BUB1: variants seen among roughly 807,000 people sequenced by gnomAD.
BUB1 encodes the protein BUB1 mitotic checkpoint serine/threonine kinase.
Under a neutral mutation model 135.2 loss-of-function variants are expected in BUB1, and 84 were observed. The ratio of observed to expected loss-of-function variants is 0.62; its 90% CI spans 0.52 to 0.74. The LOEUF is 0.74. BUB1 is among the 30% of genes least tolerant of loss of function. The pLI is 0.00. For synonymous variants in BUB1, 403 were observed against 434.4 expected (o/e 0.93, Z 0.90); for missense variants, 1,162 against 1,288.3 (o/e 0.90, Z 1.50).
At position 110,639,822 on chromosome 2, in the gene BUB1, T is replaced by C. The variant is rs149445802; in HGVS notation, c.2982A>G (p.Thr994=). The part of the protein sequence containing the change: ...YQIDYFGVAA[T]VYCMLFGTYM... The stretch of plus-strand genomic sequence containing the variant: ...AAGTGCCAAAGAGCATGCAATATAC[T>C]GTTGCAGCAACCCCAAAGTAATCGA... The change falls in exon 24 of 25, where the codon ACA becomes ACG. Residue 994 remains threonine, a synonymous_variant. Transcript: ENST00000302759. The C allele has an allele frequency of 1.0e-3, 1,692 of 1,613,954 alleles. 2 individuals carry two copies. Among genetic ancestry groups the C allele is most frequent in the Non-Finnish European group, 1.3e-3 (1,554 of 1,179,938 alleles).
At chr2:110,677,418 C>T (rs1487234244) in intron 1 of BUB1, among the ~76,000 whole-genome samples, 2 of 152,122 alleles carry the variant, frequency 1.3e-5, no homozygotes, top group African/African-American at 4.8e-5. Flanking sequence ...GGCGTGGGAA[C>T]TTTAAGTAAA....
intron 21 of BUB1, 53 bp downstream of exon 21, chr2:110,641,589 A>G: frequency 1.9e-6 from 3 of 1,588,352 alleles, no homozygotes; most frequent in Non-Finnish European, 2.6e-6. Context: ...TGCAAGGTAC[A>G]AGCCAAAAAT....
At position 110,661,783 on chromosome 2, in the gene BUB1, C is replaced by T; in HGVS notation, c.1016G>A (p.Cys339Tyr). 1 of 1,614,214 alleles carries T rather than the reference C, an allele frequency of 6.2e-7. No homozygotes were observed. The highest frequency in any genetic ancestry group is 8.5e-7 in the Non-Finnish European group (1 of 1,180,034). The part of the protein sequence containing the change: ...VGSQQELRAP[C>Y]LPVTYQQTPV... ...TGTCTGCTGATAGGTTACTGGAAGA[C>T]ATGGCGCTCTCAGTTCCTGCTGGGA... Residue 339 changes from cysteine (C) to tyrosine (Y), a missense_variant, in exon 10 of 25, where the codon TGT becomes TAT. Transcript: ENST00000302759.
In BUB1 at chr2:110,672,835, TGGA is replaced by T. The variant is rs774364176; in HGVS notation, c.245_247del (p.Leu82del). ...GTTGTACAGAAACTCAAAAAATTGA[TGGA>T]GGTCACTGTTGTACTCAGCCTACAC... On this transcript the variant is annotated inframe_deletion, in exon 4 of 25. Transcript: ENST00000302759. 4 of 1,608,500 alleles carry T rather than the reference TGGA, an allele frequency of 2.5e-6. No individual in the cohort carries two copies. In the South Asian group the frequency reaches 4.4e-5, roughly 18 times the overall value.
At chr2:110,664,426 AGT>A (rs964992283) in intron 9 of BUB1, among the ~76,000 whole-genome samples, 7 of 152,204 alleles carry the variant, frequency 4.6e-5, no homozygotes, top group African/African-American at 1.7e-4. Flanking sequence ...ACAATGAAGG[AGT>A]GTCTTTAAAA....
chr2:110,646,472 T>C (rs1449149446), intron 19 of BUB1, among the ~76,000 whole-genome samples: 1 of 152,186 alleles, frequency 6.6e-6, no homozygotes, highest in Non-Finnish European at 1.5e-5. Flanking sequence ...TTGGATCTAA[T>C]TGACATTTAT....
Position 110,655,917 on chromosome 2 carries a change from C to G in BUB1, c.1699-1G>C, listed in dbSNP as rs1689921550. 1 of 1,611,130 alleles carries G rather than the reference C, an allele frequency of 6.2e-7. No individual in the cohort carries two copies. Among genetic ancestry groups the G allele is most frequent in the Non-Finnish European group, 8.5e-7 (1 of 1,178,256 alleles). On this transcript the variant is annotated splice_acceptor_variant, in intron 15 of 24. Coordinates refer to ENST00000302759, the MANE Select transcript of BUB1 (RefSeq NM_004336.5). LOFTEE classifies it high-confidence loss of function. ...ACTCTTCAGCATGAGGCACTTCCTC[C>G]TATAACAGAAGATGAAATGAAAAAA...
chr2:110,672,549 T>C (rs1253918919), intron 4 of BUB1, 112 bp downstream of exon 4: 4 of 1,171,016 alleles, frequency 3.4e-6, no homozygotes, highest in Non-Finnish European at 4.7e-6. Context: ...TTATCCACAT[T>C]GTCCAAAACT....
At position 110,652,694 on chromosome 2, in the gene BUB1, C is replaced by A. The variant is rs1689817726; in HGVS notation, c.1964+742G>T. Among the ~76,000 whole-genome samples the A allele has an allele frequency of 7.9e-5, 12 of 152,236 alleles. No individual in the cohort carries two copies. In the South Asian group the frequency reaches 2.3e-3, roughly 29 times the overall value. ...GACTGCACATATATCTCCACATACA[C>A]CCCCAATCAATATCTACCTAAACAT... is the stretch of plus-strand genomic sequence containing the variant. On this transcript the variant is annotated intron_variant, in intron 17 of 24. Transcript: ENST00000302759.
At chr2:110,673,098 T>C (rs1028983392) in intron 3 of BUB1, among the ~76,000 whole-genome samples, 14 of 152,222 alleles carry the variant, frequency 9.2e-5, no homozygotes, top group African/African-American at 3.4e-4. Flanking sequence ...CAATCATGTC[T>C]GTGTAAGGCA....
intron 23 of BUB1, 73 bp from the exon 24 acceptor site, chr2:110,639,921 C>T: frequency 1.6e-6 from 2 of 1,238,294 alleles, no homozygotes; most frequent in Non-Finnish European, 2.4e-6. Context: ...GCCTGTCTAA[C>T]TTAGGCAGCA....
chr2:110,646,167 C>T (rs994644438), intron 19 of BUB1, among the ~76,000 whole-genome samples: 2 of 54,738 alleles, frequency 3.7e-5, no homozygotes, highest in African/African-American at 1.2e-4. Context: ...TATCTCTACC[C>T]AAAAAAAAAA....
In BUB1 at chr2:110,665,214, G is replaced by A. The variant is rs922017126; in HGVS notation, c.957+1049C>T. Among the ~76,000 whole-genome samples, 7 of 152,282 alleles carry A rather than the reference G, an allele frequency of 4.6e-5. No homozygotes were observed. The South Asian group carries it at 1.5e-3, about 32-fold the overall frequency. ...TCTTATTTATGTAGAACGTTCTATTGTATTCATATTTATGTGTTTTCATAC... is the reference window on the plus strand; with the variant it reads ...TCTTATTTATGTAGAACGTTCTATTATATTCATATTTATGTGTTTTCATAC... On this transcript the variant is annotated intron_variant, in intron 9 of 24. Transcript: ENST00000302759.
intron 11 of BUB1, among the ~76,000 whole-genome samples, chr2:110,659,356 A>G (rs530370744): frequency 1.3e-5 from 2 of 152,144 alleles, no homozygotes; most frequent in African/African-American, 4.8e-5. Context: ...TTTCAACCCC[A>G]TAACTCCAAT....
intron 11 of BUB1, among the ~76,000 whole-genome samples, chr2:110,659,021 A>T (rs969709614): frequency 6.6e-6 from 1 of 152,236 alleles, no homozygotes; most frequent in South Asian, 2.1e-4. Context: ...CAACTTTGTC[A>T]TAAATTATAC....
At chr2:110,656,080 C>A (rs1689927243) in intron 15 of BUB1, among the ~76,000 whole-genome samples, 164 bp from the exon 16 acceptor site, 1 of 152,096 alleles carries the variant, frequency 6.6e-6, no homozygotes, top group African/African-American at 2.4e-5. Flanking sequence ...GTTCTTTTCC[C>A]CAGAACTGGA....
At chr2:110,654,842 G>A (rs756155524) in intron 16 of BUB1, among the ~76,000 whole-genome samples, 11 of 152,078 alleles carry the variant, frequency 7.2e-5, no homozygotes, top group Non-Finnish European at 1.6e-4. Context: ...AAATTCTTTG[G>A]CAGCTCTTCT....
At chr2:110,664,676 G>A (rs888319376) in intron 9 of BUB1, among the ~76,000 whole-genome samples, 65 of 150,802 alleles carry the variant, frequency 4.3e-4, no homozygotes, top group African/African-American at 1.5e-3. Flanking sequence ...ATATACCACA[G>A]GAAAGGAGCC....
intron 1 of BUB1, among the ~76,000 whole-genome samples, chr2:110,676,937 A>T (rs1690606637): frequency 6.6e-6 from 1 of 152,130 alleles, no homozygotes; most frequent in Non-Finnish European, 1.5e-5. Context: ...AAAAAATAAT[A>T]ATTCTGAAGT....
Sources: gnomAD v4.1 joint callset for allele counts (sites outside exome capture counted in the v4.1 genomes callset) on GRCh38, gnomAD v4.1.1 for gene constraint, MANE v1.5 for transcripts, NCBI Gene and HGNC (gene_info 2026-07-23, HGNC 2026-07-21) for gene names.